TRIM9: variants seen among roughly 807,000 people sequenced by gnomAD.
TRIM9 encodes E3 ubiquitin-protein ligase TRIM9.
In TRIM9, 26 loss-of-function variants were observed where a neutral mutation model predicts 78.3. That is an observed-to-expected ratio of 0.33 (90% confidence interval 0.24 to 0.46). The LOEUF (loss-of-function observed/expected upper bound fraction) is 0.46, where lower values mean the gene tolerates loss of function less well. Ranked by LOEUF, TRIM9 falls within the 20% of genes least tolerant of loss-of-function variation. The probability of loss-of-function intolerance (pLI) is 1.00; values close to 1 mark genes in which losing one functional copy is unlikely to be tolerated. For synonymous variants in TRIM9, 398 were observed against 416.5 expected (o/e 0.96, Z 0.54); for missense variants, 787 against 1,036.4 (o/e 0.76, Z 3.30).
Position 51,075,177 on chromosome 14 carries a change from G to C in TRIM9, c.822+18941C>G, listed in dbSNP as rs148706473. 1.8e-3 allele frequency among the ~76,000 whole-genome samples: 267 copies of C among 152,204 alleles called. 1 individual carries two copies. The highest frequency in any genetic ancestry group is 6.2e-3 in the African/African-American group (258 of 41,540). ...GGAGTTAAGTGGGTCGCCCAAGGAGGTAGGCACAGGATCCAAATAGGGACC... is the reference window on the plus strand; with the variant it reads ...GGAGTTAAGTGGGTCGCCCAAGGAGCTAGGCACAGGATCCAAATAGGGACC... On this transcript the variant is annotated intron_variant, in intron 1 of 12. Transcript: ENST00000684578.
At chr14:51,035,643 A>G (rs191152822) in intron 1 of TRIM9, among the ~76,000 whole-genome samples, 5 of 152,344 alleles carry the variant, frequency 3.3e-5, no homozygotes, top group African/African-American at 1.2e-4. Context: ...ATGGTGGCCC[A>G]GTGTGGACGT....
intron 8 of TRIM9, among the ~76,000 whole-genome samples, chr14:50,985,568 G>A (rs1596098763): frequency 6.6e-6 from 1 of 152,268 alleles, no homozygotes; most frequent in East Asian, 1.9e-4. Flanking sequence ...GACACTGCTG[G>A]TTTCCTGGAT....
At position 51,022,961 on chromosome 14, in the gene TRIM9, T is replaced by C. The variant is rs2057897221; in HGVS notation, c.919-4A>G. The C allele has an allele frequency of 6.2e-7, 1 of 1,613,816 alleles. No homozygotes were observed. Among genetic ancestry groups the C allele is most frequent in the Non-Finnish European group, 8.5e-7 (1 of 1,179,974 alleles). On this transcript the variant is annotated splice_region_variant and splice_polypyrimidine_tract_variant and intron_variant, in intron 2 of 12. Coordinates refer to ENST00000684578, the MANE Select transcript of TRIM9 (RefSeq NM_001387360.1). ...CTTCAAACTCCACACTGTTCTCCTG[T>C]GTAACAGAGCACATTTCTCAACTGC...
chr14:51,010,337 T>A, intron 4 of TRIM9, 47 bp downstream of exon 4: 1 of 1,492,424 alleles, frequency 6.7e-7, no homozygotes, highest in South Asian at 1.1e-5. Context: ...CTAGACTATG[T>A]CCTATGGGAC....
At chr14:51,067,929 G>A (rs544596885) in intron 1 of TRIM9, among the ~76,000 whole-genome samples, 8 of 152,320 alleles carry the variant, frequency 5.3e-5, no homozygotes, top group African/African-American at 1.9e-4. Context: ...AGAAAGTCTT[G>A]TGTATTGTTG....
chr14:51,014,604 A>T (rs1183064033), intron 3 of TRIM9, among the ~76,000 whole-genome samples: 1 of 152,222 alleles, frequency 6.6e-6, no homozygotes, highest in African/African-American at 2.4e-5. Flanking sequence ...ACATTATAGA[A>T]ATCAGGCAGA....
chr14:51,017,125 T>C (rs1352375564), intron 3 of TRIM9, among the ~76,000 whole-genome samples: 1 of 152,252 alleles, frequency 6.6e-6, no homozygotes, highest in African/African-American at 2.4e-5. Context: ...ATCTACCATT[T>C]CATTGTCACG....
intron 1 of TRIM9, among the ~76,000 whole-genome samples, chr14:51,074,477 A>G (rs1043427191): frequency 6.6e-6 from 1 of 152,202 alleles, no homozygotes; most frequent in Non-Finnish European, 1.5e-5. Context: ...CTCAGTCCTC[A>G]AAAGCCCTCT....
At chr14:50,982,659 G>T in intron 10 of TRIM9, 1 of 445,286 alleles carries the variant, frequency 2.2e-6, no homozygotes, top group Non-Finnish European at 4.0e-6. Context: ...GAGTGATTGT[G>T]ACTTGCATGT....
rs549768103 is a variant in TRIM9 at position 51,026,618 on chromosome 14, C to G, written c.823-1258G>C. On this transcript the variant is annotated intron_variant, in intron 1 of 12. Transcript: ENST00000684578. ...TTTCCTTTCTGTAAAAGGGCAGAAC[C>G]TTAAAATTATATCTCTTGGTGCTGT... Among the ~76,000 whole-genome samples the G allele has an allele frequency of 7.2e-5, 11 of 152,206 alleles. No individual in the cohort carries two copies. In the East Asian group the frequency reaches 1.7e-3, roughly 24 times the overall value.
Position 51,094,486 on chromosome 14 carries a change from C to G in TRIM9, c.454G>C (p.Glu152Gln). Residue 152 changes from glutamate to glutamine, a missense_variant, in exon 1 of 13, where the codon GAA (glutamate) becomes CAA (glutamine). Glu to Gln is a conservative substitution (Grantham distance 29, BLOSUM62 2). Transcript: ENST00000684578. The part of the protein sequence containing the change: ...LRGFPKNRVL[E>Q]GVIDRYQQSK... Reference sequence around the variant, plus strand: ...TGCTGGTAGCGGTCAATTACCCCTTCCAGTACGCGATTCTTGGGGAAGCCG... The same window carrying G: ...TGCTGGTAGCGGTCAATTACCCCTTGCAGTACGCGATTCTTGGGGAAGCCG... 6.2e-7 allele frequency: 1 copy of G among 1,613,786 alleles called. No individual in the cohort carries two copies.
intron 7 of TRIM9, among the ~76,000 whole-genome samples, chr14:50,989,986 C>T (rs2053277586): frequency 6.6e-6 from 1 of 152,132 alleles, no homozygotes. Flanking sequence ...AGGTGATGTA[C>T]TCCTGTTTGG....
chr14:50,997,955 G>A, intron 7 of TRIM9, 95 bp downstream of exon 7: 2 of 1,567,918 alleles, frequency 1.3e-6, no homozygotes, highest in South Asian at 1.2e-5. Context: ...AAACACTTCA[G>A]GAATGTGGGC....
In TRIM9 at chr14:50,976,975, T is replaced by C. The variant is rs112230659; in HGVS notation, c.*316A>G. 1.8e-5 allele frequency: 4 copies of C among 217,936 alleles called. No individual in the cohort carries two copies. Among genetic ancestry groups the C allele is most frequent in the African/African-American group, 6.8e-5 (3 of 43,918 alleles). The allele number at this position is 217,936 out of a possible 1,614,324, so 13.5% of individuals were successfully genotyped here. On this transcript the variant is annotated 3_prime_UTR_variant, in exon 13 of 13. Transcript: ENST00000684578. ...ACCTGATCAGAAAAGAAAGAAAATATAACTCACCTACATAAAAAATTAAGT... is the reference window on the plus strand; with the variant it reads ...ACCTGATCAGAAAAGAAAGAAAATACAACTCACCTACATAAAAAATTAAGT...
chr14:50,978,080 C>T (rs2051299361), intron 12 of TRIM9, among the ~76,000 whole-genome samples: 1 of 152,052 alleles, frequency 6.6e-6, no homozygotes, highest in African/African-American at 2.4e-5. Flanking sequence ...GGTTTTCTTT[C>T]TTAAAGTGTA....
chr14:51,076,443 A>C (rs1052926566), intron 1 of TRIM9, among the ~76,000 whole-genome samples: 3 of 152,094 alleles, frequency 2.0e-5, no homozygotes, highest in African/African-American at 7.2e-5. Flanking sequence ...AGGGACCCAC[A>C]TGTGAGGGGA....
intron 6 of TRIM9, among the ~76,000 whole-genome samples, chr14:50,998,900 A>G (rs1454862981): frequency 6.6e-6 from 1 of 152,246 alleles, no homozygotes; most frequent in East Asian, 1.9e-4. Context: ...AATAATTTGC[A>G]TTCAAAGCAC....
At chr14:51,026,113 C>G (rs2058208945) in intron 1 of TRIM9, among the ~76,000 whole-genome samples, 1 of 152,132 alleles carries the variant, frequency 6.6e-6, no homozygotes, top group Admixed American at 6.5e-5. Flanking sequence ...ACGGACGACA[C>G]CTAAGTGGAA....
chr14:51,005,844 C>G (rs777896462), intron 5 of TRIM9, among the ~76,000 whole-genome samples: 22 of 152,118 alleles, frequency 1.4e-4, no homozygotes, highest in Non-Finnish European at 2.4e-4. Context: ...AGGTACCAGC[C>G]TTCTCCAGAT....
Sources: allele counts gnomAD v4.1 joint callset (sites outside exome capture counted in the v4.1 genomes callset), GRCh38; gene constraint gnomAD v4.1.1; transcripts MANE v1.5; gene names NCBI Gene and HGNC (gene_info 2026-07-23, HGNC 2026-07-21).